LPCAT2: variants seen among roughly 807,000 people sequenced by gnomAD.
LPCAT2 encodes the protein lysophosphatidylcholine acyltransferase 2, also known as 1-AGP acyltransferase 11.
Under a neutral mutation model 64.7 loss-of-function variants are expected in LPCAT2, and 58 were observed. The ratio of observed to expected loss-of-function variants is 0.90; its 90% CI spans 0.73 to 1.12. The LOEUF (loss-of-function observed/expected upper bound fraction) is 1.12. Among genes scored for constraint, LPCAT2 ranks in the 50% most tolerant of loss-of-function variants. LPCAT2 has a pLI of 0.00. For missense variants in LPCAT2, 579 were observed against 669.8 expected (o/e 0.86, Z 1.50); for synonymous variants, 252 against 245.3 (o/e 1.03, Z -0.26).
intron 8 of LPCAT2, among the ~76,000 whole-genome samples, chr16:55,542,961 T>C (rs1338863587): frequency 1.3e-5 from 2 of 152,070 alleles, no homozygotes; most frequent in Non-Finnish European, 1.5e-5. Context: ...CTTGAAGTCA[T>C]TGGGGTATAT....
intron 12 of LPCAT2, among the ~76,000 whole-genome samples, chr16:55,575,721 T>A (rs1167624903): frequency 6.6e-6 from 1 of 152,194 alleles, no homozygotes; most frequent in Non-Finnish European, 1.5e-5. Context: ...TAGAGGCCAA[T>A]TGGGATAAGC....
rs1963908259 is a variant in LPCAT2 at position 55,583,303 on chromosome 16, T to C, written c.*205T>C. On this transcript the variant is annotated 3_prime_UTR_variant, in exon 14 of 14. Transcript: ENST00000262134. ...AAGCAATATTTCGTTTTCTTTTGTG[T>C]TATATTGTACTTTACTGATTCATTT... is the stretch of plus-strand genomic sequence containing the variant. 4 of 499,608 alleles carry C rather than the reference T, an allele frequency of 8.0e-6. No homozygotes were observed. The highest frequency in any genetic ancestry group is 1.4e-5 in the Non-Finnish European group (4 of 281,520). The allele number at this position is 499,608 out of a possible 1,614,324, so 30.9% of individuals were successfully genotyped here. A position where few individuals can be genotyped will look rare whatever the true frequency, so the allele number is the denominator to read the frequency against.
intron 12 of LPCAT2, among the ~76,000 whole-genome samples, chr16:55,577,040 A>C (rs1257772769): frequency 6.6e-6 from 1 of 152,192 alleles, no homozygotes; most frequent in Non-Finnish European, 1.5e-5. Context: ...GCTTGTGAGG[A>C]GGGAGCTAGG....
In LPCAT2 at chr16:55,586,461, T is replaced by A. The variant is rs1428723116; in HGVS notation, c.*3363T>A. Reference sequence around the variant, plus strand: ...TAGAGAAAAATATAAACAGAAAAAATTATGTTTACTTCTACCACCCTAAAT... The same window carrying A: ...TAGAGAAAAATATAAACAGAAAAAAATATGTTTACTTCTACCACCCTAAAT... On this transcript the variant is annotated 3_prime_UTR_variant, in exon 14 of 14. Transcript: ENST00000262134. 1 of 152,144 alleles carries A rather than the reference T, an allele frequency of 6.6e-6. No homozygotes were observed. Among genetic ancestry groups the A allele is most frequent in the Non-Finnish European group, 1.5e-5 (1 of 68,018 alleles). 9.4% of individuals were successfully genotyped at this position (152,144 alleles called of 1,614,324 possible).
intron 1 of LPCAT2, among the ~76,000 whole-genome samples, chr16:55,524,175 C>A (rs1286046304): frequency 1.3e-5 from 2 of 151,628 alleles, no homozygotes; most frequent in Non-Finnish European, 3.0e-5. Context: ...TGGAAACAAC[C>A]CAAATGTTCA....
intron 11 of LPCAT2, among the ~76,000 whole-genome samples, chr16:55,565,526 A>G (rs1963684960): frequency 6.6e-6 from 1 of 152,166 alleles, no homozygotes; most frequent in Admixed American, 6.5e-5. Flanking sequence ...ATCATTAGAA[A>G]GGAAGGGAAT....
At chr16:55,544,979 A>G (rs2142394532) in intron 8 of LPCAT2, among the ~76,000 whole-genome samples, 1 of 152,292 alleles carries the variant, frequency 6.6e-6, no homozygotes, top group East Asian at 1.9e-4. Flanking sequence ...CTATTAAAAT[A>G]TTGATCTTCT....
At position 55,545,728 on chromosome 16, in the gene LPCAT2, C is replaced by A. The variant is rs555184794; in HGVS notation, c.853-7C>A. The A allele has an allele frequency of 1.3e-6, 2 of 1,595,844 alleles. No individual in the cohort carries two copies. Among genetic ancestry groups the A allele is most frequent in the South Asian group, 1.1e-5 (1 of 89,190 alleles). On this transcript the variant is annotated splice_polypyrimidine_tract_variant and splice_region_variant and intron_variant, in intron 8 of 13. Transcript: ENST00000262134. ...CATTGTTATGGAAAGGTATATTTGTCTTTCAGTTTATGCCAGTTCAAGTAC... is the reference window on the plus strand; with the variant it reads ...CATTGTTATGGAAAGGTATATTTGTATTTCAGTTTATGCCAGTTCAAGTAC...
chr16:55,550,380 T>A (rs1963502561), intron 10 of LPCAT2, among the ~76,000 whole-genome samples: 1 of 152,202 alleles, frequency 6.6e-6, no homozygotes, highest in African/African-American at 2.4e-5. Flanking sequence ...TATCATAACA[T>A]TTTGTGAAAT....
At chr16:55,553,847 T>G (rs1963545671) in intron 11 of LPCAT2, among the ~76,000 whole-genome samples, 1 of 152,204 alleles carries the variant, frequency 6.6e-6, no homozygotes, top group Non-Finnish European at 1.5e-5. Context: ...AAAGTTGAAA[T>G]TACTCCTTGA....
intron 12 of LPCAT2, among the ~76,000 whole-genome samples, chr16:55,576,817 G>A (rs1236458692): frequency 6.6e-6 from 1 of 152,162 alleles, no homozygotes; most frequent in Admixed American, 6.6e-5. Flanking sequence ...AGTGGGGAGT[G>A]ACGAGTAAGT....
intron 4 of LPCAT2, among the ~76,000 whole-genome samples, chr16:55,530,969 T>C (rs535179528): frequency 2.6e-5 from 4 of 152,284 alleles, no homozygotes; most frequent in African/African-American, 9.6e-5. Context: ...TTAATGGCCC[T>C]TCCAGCTCTG....
At chr16:55,548,847 C>T (rs1011618486) in intron 9 of LPCAT2, among the ~76,000 whole-genome samples, 1 of 152,086 alleles carries the variant, frequency 6.6e-6, no homozygotes, top group African/African-American at 2.4e-5. Context: ...CCTCCACAGG[C>T]ATTCTTTTTT....
rs375477543 is a variant in LPCAT2, at chr16:55,551,087, T to C, written c.1200T>C (p.Phe400=). 219 of 1,612,144 alleles carry C rather than the reference T, an allele frequency of 1.4e-4. 3 individuals are homozygous for C. The Middle Eastern group carries it at 4.8e-3, about 35-fold the overall frequency. Residue 400 remains phenylalanine (F), a synonymous_variant, in exon 11 of 14, where the codon TTT becomes TTC. Transcript: ENST00000262134. ...LPVSDVLRQL[F]ALFDRNHDGS... ...TTTCAGATGTCTTGAGACAACTTTTTGCACTCTTTGACAGGGTATGTTAAA... is the reference window on the plus strand; with the variant it reads ...TTTCAGATGTCTTGAGACAACTTTTCGCACTCTTTGACAGGGTATGTTAAA...
intron 11 of LPCAT2, among the ~76,000 whole-genome samples, chr16:55,561,986 T>C (rs1435228404): frequency 6.6e-6 from 1 of 152,042 alleles, no homozygotes; most frequent in African/African-American, 2.4e-5. Flanking sequence ...TAATAATAGC[T>C]AGAATAATCA....
intron 1 of LPCAT2, among the ~76,000 whole-genome samples, chr16:55,511,161 ATTG>A (rs1962926681): frequency 6.6e-6 from 1 of 152,164 alleles, no homozygotes. Flanking sequence ...ATAATCTGTT[ATTG>A]TTTGTTGATC....
chr16:55,543,075 A>G (rs1214043193), intron 8 of LPCAT2, among the ~76,000 whole-genome samples: 3 of 152,180 alleles, frequency 2.0e-5, no homozygotes, highest in Non-Finnish European at 4.4e-5. Flanking sequence ...TGAGCCTTGA[A>G]TGACTGTACA....
chr16:55,509,713 G>T (rs1228205827), intron 1 of LPCAT2, among the ~76,000 whole-genome samples: 9 of 152,090 alleles, frequency 5.9e-5, no homozygotes, highest in Non-Finnish European at 1.2e-4. Context: ...GACTTCTGAG[G>T]GGCCGTGAGC....
At chr16:55,537,284 G>T (rs1371075793) in intron 7 of LPCAT2, among the ~76,000 whole-genome samples, 1 of 151,974 alleles carries the variant, frequency 6.6e-6, no homozygotes, top group African/African-American at 2.4e-5. Context: ...TCAGCTACTT[G>T]GGAGGCTGAG....
Sources: allele counts gnomAD v4.1 joint callset (sites outside exome capture counted in the v4.1 genomes callset), GRCh38; gene constraint gnomAD v4.1.1; transcripts MANE v1.5; gene names NCBI Gene and HGNC (gene_info 2026-07-23, HGNC 2026-07-21).